ABCB7: variants seen among roughly 807,000 people sequenced by gnomAD.
The protein encoded by ABCB7 is iron-sulfur clusters transporter ABCB7, mitochondrial.
In ABCB7, 7 loss-of-function variants were observed where a neutral mutation model predicts 54.4. The ratio of observed to expected loss-of-function variants is 0.13; its 90% CI spans 0.07 to 0.24. The LOEUF (loss-of-function observed/expected upper bound fraction) is 0.24, where lower values mean the gene tolerates loss of function less well. Among genes scored for constraint, ABCB7 ranks in the 10% least tolerant of loss-of-function variants. ABCB7 has a pLI of 1.00. For synonymous variants in ABCB7, 218 were observed against 207.1 expected, an observed-to-expected ratio of 1.05 and a Z score of -0.45; for missense variants, 356 against 570.4, an observed-to-expected ratio of 0.62 and a Z score of 3.83.
At chrX:75,069,730 C>A (rs886104965) in intron 10 of ABCB7, among the ~76,000 whole-genome samples, 5 of 110,157 alleles carry the variant, frequency 4.5e-5, no homozygotes, top group Non-Finnish European at 7.6e-5. Flanking sequence ...AGGAAAGGGG[C>A]TGAGGATGCA....
chrX:75,128,084 A>G (rs1333170102), intron 1 of ABCB7, among the ~76,000 whole-genome samples: 2 of 112,125 alleles, frequency 1.8e-5, no homozygotes, highest in East Asian at 5.6e-4. Context: ...TCTTCACAGA[A>G]TTCAAAAGAA....
chrX:75,088,992 AAAT>A (rs1371189257), intron 4 of ABCB7, among the ~76,000 whole-genome samples: 1 of 111,097 alleles, frequency 9.0e-6, no homozygotes, highest in African/African-American at 3.3e-5. Context: ...ACAAGAATAA[AAAT>A]AACAGTGAAG....
chrX:75,116,273 A>C (rs1264270249), intron 1 of ABCB7, among the ~76,000 whole-genome samples: 1 of 110,730 alleles, frequency 9.0e-6, no homozygotes, highest in Non-Finnish European at 1.9e-5. Flanking sequence ...GCAGGGCTTA[A>C]CTCTTTCAAC....
chrX:75,115,266 C>CAAAAAAAAAAAA (rs1160024642), intron 1 of ABCB7, among the ~76,000 whole-genome samples: 3 of 13,249 alleles, frequency 2.3e-4, no homozygotes, highest in African/African-American at 9.7e-4. Context: ...GACTCTGTCT[C>CAAAAAAAAAAAA]AAAAAAAAAA....
Position 75,053,066 on chromosome X carries a change from T to C in ABCB7, c.*304A>G. The C allele has an allele frequency of 3.7e-6, 1 of 271,967 alleles. No homozygotes were observed. Among genetic ancestry groups the C allele is most frequent in the Non-Finnish European group, 6.4e-6 (1 of 155,669 alleles). 22.4% of individuals were successfully genotyped at this position (271,967 alleles called of 1,213,427 possible). On this transcript the variant is annotated 3_prime_UTR_variant, in exon 16 of 16. Coordinates refer to ENST00000373394, the MANE Select transcript of ABCB7 (RefSeq NM_001271696.3). ...ATAAAAATTGGGAAACCAATCTGAT[T>C]CATCTGGCTATAGATCAAATGAATG...
At chrX:75,064,267 T>C (rs1001157207) in intron 13 of ABCB7, among the ~76,000 whole-genome samples, 2 of 111,842 alleles carry the variant, frequency 1.8e-5, no homozygotes, top group Non-Finnish European at 1.9e-5. Context: ...ACATAGTGTG[T>C]ATCTAATAAA....
At chrX:75,093,163 A>G (rs1396057479) in intron 4 of ABCB7, among the ~76,000 whole-genome samples, 1 of 112,197 alleles carries the variant, frequency 8.9e-6, no homozygotes, top group East Asian at 2.8e-4. Flanking sequence ...AAGGAAACCA[A>G]GATGTCTTTC....
chrX:75,126,104 G>A (rs1482873270), intron 1 of ABCB7, among the ~76,000 whole-genome samples: 2 of 110,741 alleles, frequency 1.8e-5, no homozygotes, highest in Non-Finnish European at 3.8e-5. Flanking sequence ...TTTTAAAGCT[G>A]GCTGGCTTGA....
At chrX:75,130,154 G>A (rs182158033) in intron 1 of ABCB7, among the ~76,000 whole-genome samples, 134 of 111,707 alleles carry the variant, frequency 1.2e-3, no homozygotes, top group African/African-American at 4.2e-3. Context: ...GAAATGTCTA[G>A]GTTAACTTTT....
Position 75,106,111 on chromosome X carries a change from T to C in ABCB7, c.333+6775A>G, listed in dbSNP as rs1180685516. Among the ~76,000 whole-genome samples, 8 of 111,093 alleles carry C rather than the reference T, an allele frequency of 7.2e-5. No individual in the cohort carries two copies. In the East Asian group the frequency reaches 2.3e-3, roughly 31 times the overall value. ...GATAACAAAAGTAAAAACAGACAAATGGGACTCAAATGAAAAAGATTCTAT... is the reference window on the plus strand; with the variant it reads ...GATAACAAAAGTAAAAACAGACAAACGGGACTCAAATGAAAAAGATTCTAT... On this transcript the variant is annotated intron_variant, in intron 3 of 15. Transcript: ENST00000373394.
chrX:75,072,274 T>C lies in ABCB7; in HGVS notation c.1033-591A>G, dbSNP rs1195342753. Among the ~76,000 whole-genome samples, 4 of 111,890 alleles carry C rather than the reference T, an allele frequency of 3.6e-5. No individual in the cohort carries two copies. In the Admixed American group the frequency reaches 3.8e-4, roughly 11 times the overall value. On this transcript the variant is annotated intron_variant, in intron 8 of 15. Coordinates refer to ENST00000373394, the MANE Select transcript of ABCB7 (RefSeq NM_001271696.3). Reference sequence around the variant, plus strand: ...TTATATGCCAGTTTGATTAGCTTACTGTTCATTCTGAATCAAGATGCTAAC... The same window carrying C: ...TTATATGCCAGTTTGATTAGCTTACCGTTCATTCTGAATCAAGATGCTAAC...
At chrX:75,093,911 A>T (rs934353554) in intron 4 of ABCB7, among the ~76,000 whole-genome samples, 3 of 107,098 alleles carry the variant, frequency 2.8e-5, no homozygotes, top group Non-Finnish European at 5.7e-5. Flanking sequence ...ATGTCAAAAT[A>T]GTTATTCAAA....
chrX:75,100,192 C>G (rs2081628452), intron 3 of ABCB7, among the ~76,000 whole-genome samples: 1 of 110,683 alleles, frequency 9.0e-6, no homozygotes, highest in Non-Finnish European at 1.9e-5. Context: ...GAGCTATCAT[C>G]AATTATCGCG....
At chrX:75,132,354 C>T (rs2081980829) in intron 1 of ABCB7, among the ~76,000 whole-genome samples, 1 of 113,204 alleles carries the variant, frequency 8.8e-6, no homozygotes, top group South Asian at 3.7e-4. Context: ...CTTGGGCCCG[C>T]AACACAGCCA....
At chrX:75,141,352 C>T (rs12008080) in intron 1 of ABCB7, among the ~76,000 whole-genome samples, 1,733 of 111,039 alleles carry the variant, frequency 0.016, 34 homozygotes, top group African/African-American at 0.054. Context: ...ATCCTACCAT[C>T]CAGAGATAAA....
At chrX:75,094,953 A>G (rs993745558) in intron 4 of ABCB7, among the ~76,000 whole-genome samples, 2 of 110,636 alleles carry the variant, frequency 1.8e-5, no homozygotes, top group African/African-American at 3.3e-5. Flanking sequence ...TAGAAGAAAT[A>G]CCAATCCCCT....
intron 6 of ABCB7, among the ~76,000 whole-genome samples, chrX:75,074,859 T>C (rs2081393549): frequency 9.1e-6 from 1 of 110,455 alleles, no homozygotes; most frequent in Non-Finnish European, 1.9e-5. Context: ...GGCAGATGAG[T>C]GAAGGCAAAA....
intron 1 of ABCB7, among the ~76,000 whole-genome samples, chrX:75,140,654 T>A (rs1159950895): frequency 1.8e-5 from 2 of 111,164 alleles, no homozygotes; most frequent in Admixed American, 9.6e-5. Context: ...ACTCCCAGGA[T>A]AAGAATGGAT....
chrX:75,128,771 A>C (rs1312790760), intron 1 of ABCB7, among the ~76,000 whole-genome samples: 1 of 112,349 alleles, frequency 8.9e-6, no homozygotes, highest in Non-Finnish European at 1.9e-5. Flanking sequence ...TAACCCCATC[A>C]AAAAGTGAGC....
Sources: gnomAD v4.1 joint callset for allele counts (sites outside exome capture counted in the v4.1 genomes callset) on GRCh38, gnomAD v4.1.1 for gene constraint, MANE v1.5 for transcripts, NCBI Gene and HGNC (gene_info 2026-07-23, HGNC 2026-07-21) for gene names.